The following RTL4 variants were observed in gnomAD, a reference collection of about 807,000 sequenced individuals.
RTL4 encodes the protein retrotransposon Gag-like protein 4.
In RTL4, 4 loss-of-function variants were observed where a neutral mutation model predicts 5.3. The ratio of observed to expected loss-of-function variants is 0.75; its 90% CI spans 0.37 to 1.72. The LOEUF (loss-of-function observed/expected upper bound fraction) is 1.72, where lower values mean the gene tolerates loss of function less well. Ranked by LOEUF, RTL4 falls within the 40% of genes most tolerant of loss-of-function variation. The pLI, the probability that RTL4 is intolerant of heterozygous loss-of-function variation, is 0.04. For synonymous variants in RTL4, 98 were observed against 87.3 expected (o/e 1.12, Z -0.68); for missense variants, 260 against 227.1 (o/e 1.14, Z -0.93).
the RTL4 span, among the ~76,000 whole-genome samples, chrX:112,111,500 C>T: frequency 8.8e-6 from 1 of 113,005 alleles, no homozygotes; most frequent in East Asian, 2.8e-4. Context: ...TCCATGATTT[C>T]CTTGTGGTAT....
At chrX:112,331,925 A>G in the RTL4 span, among the ~76,000 whole-genome samples, 2 of 96,076 alleles carry the variant, frequency 2.1e-5, no homozygotes, top group South Asian at 5.2e-4. Flanking sequence ...ACCAAACACC[A>G]CATATTCTCA....
At chrX:112,398,377 G>T in the RTL4 span, among the ~76,000 whole-genome samples, 349 of 105,794 alleles carry the variant, frequency 3.3e-3, 3 homozygotes, top group African/African-American at 0.011. Context: ...TATATTGTTG[G>T]ATCAGATTTT....
the RTL4 span, among the ~76,000 whole-genome samples, chrX:112,113,747 T>C: frequency 8.9e-6 from 1 of 111,872 alleles, no homozygotes; most frequent in African/African-American, 3.3e-5. Context: ...GGGCAGCTTG[T>C]TTCTTGTTGG....
At chrX:112,224,919 CAATT>C in the RTL4 span, among the ~76,000 whole-genome samples, 1 of 111,936 alleles carries the variant, frequency 8.9e-6, no homozygotes, top group Admixed American at 9.5e-5. Flanking sequence ...TCTGACTGGT[CAATT>C]ATTTATTTCA....
the RTL4 span, among the ~76,000 whole-genome samples, chrX:112,377,341 G>A: frequency 1.7e-4 from 19 of 111,707 alleles, no homozygotes; most frequent in African/African-American, 2.3e-4. Context: ...ATAGCTTAGC[G>A]TAGCTTACCT....
upstream of RTL4, among the ~76,000 whole-genome samples, chrX:112,449,970 C>T (rs753539914): frequency 3.9e-4 from 44 of 112,193 alleles, no homozygotes; most frequent in African/African-American, 1.4e-3. Context: ...CTTCTGGTCA[C>T]CCCTTGAGAG....
At chrX:112,421,095 C>T in the RTL4 span, among the ~76,000 whole-genome samples, 1 of 111,025 alleles carries the variant, frequency 9.0e-6, no homozygotes, top group African/African-American at 3.3e-5. Context: ...ACAGCTGTAC[C>T]GGTGTTAGTA....
chrX:112,100,811 A>G, the RTL4 span, among the ~76,000 whole-genome samples: 2 of 111,739 alleles, frequency 1.8e-5, no homozygotes, highest in Non-Finnish European at 3.8e-5. Context: ...ACCTAGTCAG[A>G]TGGGAGCTGT....
chrX:112,232,512 G>A, the RTL4 span, among the ~76,000 whole-genome samples: 1 of 111,883 alleles, frequency 8.9e-6, no homozygotes, highest in African/African-American at 3.2e-5. Context: ...TTGACTCTTA[G>A]TGATTGACTG....
At chrX:112,333,672 G>T in the RTL4 span, among the ~76,000 whole-genome samples, 1 of 110,876 alleles carries the variant, frequency 9.0e-6, no homozygotes, top group African/African-American at 3.3e-5. Context: ...AAATTTGTGG[G>T]TATACTCTAG....
the RTL4 span, among the ~76,000 whole-genome samples, chrX:112,336,898 T>G: frequency 1.8e-5 from 2 of 112,671 alleles, no homozygotes; most frequent in East Asian, 5.6e-4. Context: ...AGATAATACA[T>G]AAATGAATGA....
the RTL4 span, among the ~76,000 whole-genome samples, chrX:112,349,489 C>A: frequency 9.2e-6 from 1 of 109,027 alleles, no homozygotes; most frequent in South Asian, 4.1e-4. Context: ...TTCTTCCTAC[C>A]CATGAGCATG....
chrX:112,363,189 G>A, the RTL4 span, among the ~76,000 whole-genome samples: 1 of 111,192 alleles, frequency 9.0e-6, no homozygotes, highest in African/African-American at 3.3e-5. Context: ...GAGGCTCGCA[G>A]ATTGTCAGCA....
At chrX:112,417,494 G>GT in the RTL4 span, among the ~76,000 whole-genome samples, 1 of 111,679 alleles carries the variant, frequency 9.0e-6, no homozygotes, top group East Asian at 2.8e-4. Flanking sequence ...ACCCCACATA[G>GT]TTTTTTGTTT....
At chrX:112,280,970 C>T in the RTL4 span, among the ~76,000 whole-genome samples, 1 of 111,536 alleles carries the variant, frequency 9.0e-6, no homozygotes, top group African/African-American at 3.3e-5. Flanking sequence ...CTAACATATG[C>T]ATTACCTCAC....
At chrX:112,225,336 G>A in the RTL4 span, among the ~76,000 whole-genome samples, 3 of 111,978 alleles carry the variant, frequency 2.7e-5, no homozygotes, top group Non-Finnish European at 5.6e-5. Flanking sequence ...GGATGGCTGG[G>A]TGAAATGGCC....
At chrX:112,182,340 G>A in the RTL4 span, among the ~76,000 whole-genome samples, 2 of 111,821 alleles carry the variant, frequency 1.8e-5, no homozygotes, top group Admixed American at 9.5e-5. Context: ...TGAGTTTGAC[G>A]AATTGACAGA....
chrX:112,220,633 A>G, the RTL4 span, among the ~76,000 whole-genome samples: 1 of 112,605 alleles, frequency 8.9e-6, no homozygotes, highest in African/African-American at 3.2e-5. Context: ...AAGTTTTCCA[A>G]ACTTTTAAGA....
At chrX:112,331,172 TAA>T in the RTL4 span, among the ~76,000 whole-genome samples, 5 of 97,373 alleles carry the variant, frequency 5.1e-5, no homozygotes, top group African/African-American at 1.9e-4. Flanking sequence ...CTAATTAAAC[TAA>T]AGAGCTTCTG....
Sources: gnomAD v4.1 joint callset for allele counts (sites outside exome capture counted in the v4.1 genomes callset) on GRCh38, gnomAD v4.1.1 for gene constraint, MANE v1.5 for transcripts, NCBI Gene and HGNC (gene_info 2026-07-23, HGNC 2026-07-21) for gene names.